CD8B2: variants seen among roughly 807,000 people sequenced by gnomAD.
CD8B2 encodes the protein CD8B family member 2, also known as T-cell surface glycoprotein CD8 beta-2 chain.
CD8B2 carries 11 observed loss-of-function variants against 23.7 expected under a neutral mutation model. The ratio of observed to expected loss-of-function variants is 0.46; its 90% CI spans 0.29 to 0.77. The LOEUF is 0.77. Ranked by LOEUF, CD8B2 falls within the 30% of genes least tolerant of loss-of-function variation. The probability of loss-of-function intolerance (pLI) is 0.09; values close to 1 mark genes in which losing one functional copy is unlikely to be tolerated. For missense variants in CD8B2, 197 were observed against 270.5 expected, an observed-to-expected ratio of 0.73 and a Z score of 1.91; for synonymous variants, 90 against 109.3, an observed-to-expected ratio of 0.82 and a Z score of 1.10.
At chr2:106,526,339 T>G (rs925699655) in intron 5 of CD8B2, among the ~76,000 whole-genome samples, 8 of 152,100 alleles carry the variant, frequency 5.3e-5, no homozygotes, top group Non-Finnish European at 8.8e-5. Context: ...GGTGAAACCA[T>G]CACAGAATTA....
intron 5 of CD8B2, among the ~76,000 whole-genome samples, chr2:106,526,240 A>C (rs751249397): frequency 1.5e-5 from 2 of 131,302 alleles, no homozygotes; most frequent in Non-Finnish European, 3.2e-5. Flanking sequence ...GCGAGACTCC[A>C]TCTCAAAAAA....
chr2:106,502,342 A>C (rs1326988537), intron 3 of CD8B2, 132 bp from the exon 4 acceptor site: 1 of 593,224 alleles, frequency 1.7e-6, no homozygotes, highest in Non-Finnish European at 3.1e-6. Context: ...CATACATTAC[A>C]TCGAAATACA....
rs1453427957 is a variant in CD8B2 at position 106,507,574 on chromosome 2, C to T, written c.*634C>T. 8.2e-6 allele frequency: 8 copies of T among 973,198 alleles called. No homozygotes were observed. The East Asian group carries it at 8.0e-4, about 97-fold the overall frequency. 60.3% of individuals were successfully genotyped at this position (973,198 alleles called of 1,614,324 possible). A position where few individuals can be genotyped will look rare whatever the true frequency, so the allele number is the denominator to read the frequency against. On this transcript the variant is annotated 3_prime_UTR_variant, in exon 6 of 6. Coordinates refer to ENST00000643224, the MANE Select transcript of CD8B2 (RefSeq NM_001349727.2). ...TTAAGTTTCTCAGCTCCCATTTCTA[C>T]TCTCCCATGGCTTAATGCTTCTTTC...
chr2:106,540,827 T>A (rs1680160734), intron 5 of CD8B2, among the ~76,000 whole-genome samples: 1 of 152,144 alleles, frequency 6.6e-6, no homozygotes. Flanking sequence ...CCTCCCAAAG[T>A]GCTGGGATTA....
At chr2:106,497,781 C>T (rs1679327228) in intron 3 of CD8B2, among the ~76,000 whole-genome samples, 1 of 152,136 alleles carries the variant, frequency 6.6e-6, no homozygotes, top group Admixed American at 6.5e-5. Context: ...TACAAAGTCC[C>T]ATGCCCTGAC....
At chr2:106,533,909 T>C (rs1680047585) in intron 5 of CD8B2, among the ~76,000 whole-genome samples, 1 of 152,198 alleles carries the variant, frequency 6.6e-6, no homozygotes, top group Non-Finnish European at 1.5e-5. Flanking sequence ...GACCCTGATA[T>C]GGCCAATTCC....
chr2:106,488,489 C>T (rs960099127), intron 1 of CD8B2, among the ~76,000 whole-genome samples: 8 of 152,070 alleles, frequency 5.3e-5, no homozygotes, highest in African/African-American at 1.9e-4. Context: ...AATGCACACT[C>T]ACAGCCCAGG....
At chr2:106,534,170 T>A (rs1680051500) in intron 5 of CD8B2, among the ~76,000 whole-genome samples, 1 of 152,182 alleles carries the variant, frequency 6.6e-6, no homozygotes, top group African/African-American at 2.4e-5. Context: ...TTAGCTAGGA[T>A]GACCAGACTC....
intron 5 of CD8B2, among the ~76,000 whole-genome samples, chr2:106,542,857 C>T (rs1189249525): frequency 6.6e-6 from 1 of 151,952 alleles, no homozygotes; most frequent in Non-Finnish European, 1.5e-5. Flanking sequence ...CATCCAGCCC[C>T]GGCTTATCAA....
At chr2:106,488,571 CTGTG>C (rs1349037871) in intron 1 of CD8B2, among the ~76,000 whole-genome samples, 1 of 152,208 alleles carries the variant, frequency 6.6e-6, no homozygotes, top group Non-Finnish European at 1.5e-5. Context: ...TGCAGCCCCA[CTGTG>C]TGCTCGTGAG....
intron 5 of CD8B2, among the ~76,000 whole-genome samples, chr2:106,523,866 T>C (rs1679866716): frequency 6.6e-6 from 1 of 152,154 alleles, no homozygotes; most frequent in African/African-American, 2.4e-5. Flanking sequence ...TGCTTTCTCA[T>C]TGGGTCGGCT....
intron 3 of CD8B2, among the ~76,000 whole-genome samples, chr2:106,498,888 G>C (rs377308817): frequency 1.3e-5 from 2 of 152,112 alleles, no homozygotes; most frequent in Non-Finnish European, 2.9e-5. Flanking sequence ...GCTTAGGGCT[G>C]TTCCTAAGAC....
At chr2:106,525,717 G>T (rs1049843172) in intron 5 of CD8B2, among the ~76,000 whole-genome samples, 2 of 152,102 alleles carry the variant, frequency 1.3e-5, no homozygotes, top group Non-Finnish European at 2.9e-5. Flanking sequence ...TATAAATAAT[G>T]TATAATATGG....
At chr2:106,526,388 C>A (rs182272304) in intron 5 of CD8B2, among the ~76,000 whole-genome samples, 6 of 152,122 alleles carry the variant, frequency 3.9e-5, no homozygotes, top group African/African-American at 1.4e-4. Flanking sequence ...AAAATGAAAT[C>A]CCATACTTGT....
rs757671333 is a variant in CD8B2 at position 106,524,070 on chromosome 2, CT to C, written c.620+19746del. Among the ~76,000 whole-genome samples, 18 of 152,292 alleles carry C rather than the reference CT, an allele frequency of 1.2e-4. No individual in the cohort carries two copies. In the East Asian group the frequency reaches 3.5e-3, roughly 29 times the overall value. ...CAAAAAAGAGGAAATGTGTCAGTCA[CT>C]AATCAAGTGTCGGCCATGTGGGGCT... On this transcript the variant is annotated intron_variant, in intron 5 of 5. Coordinates refer to the CD8B2 transcript ENST00000416057.
intron 3 of CD8B2, among the ~76,000 whole-genome samples, chr2:106,499,563 A>C (rs1234519369): frequency 1.3e-5 from 2 of 150,882 alleles, no homozygotes; most frequent in Non-Finnish European, 2.9e-5. Context: ...CTTAGTTGAG[A>C]TATAATTTGC....
In CD8B2 at chr2:106,487,450, C is replaced by T; in HGVS notation, c.24C>T (p.Leu8=). 1 of 1,249,480 alleles carries T rather than the reference C, an allele frequency of 8.0e-7. No homozygotes were observed. Among genetic ancestry groups the T allele is most frequent in the South Asian group, 3.5e-5 (1 of 28,458 alleles). 77.4% of individuals were successfully genotyped at this position (1,249,480 alleles called of 1,614,324 possible). A position where few individuals can be genotyped will look rare whatever the true frequency, so the allele number is the denominator to read the frequency against. The change falls in exon 1 of 6, where the codon CTC becomes CTT. Residue 8 remains leucine, a synonymous_variant. Transcript: ENST00000643224. Reference sequence around the variant, plus strand: ...CGATGCGGCCGCGGCTGTGGCTCCTCCTGGCCGCGCAGCTGACAGGTAAGG... The same window carrying T: ...CGATGCGGCCGCGGCTGTGGCTCCTTCTGGCCGCGCAGCTGACAGGTAAGG... The part of the protein sequence containing the change: MRPRLWL[L]LAAQLTVLHG...
intron 3 of CD8B2, among the ~76,000 whole-genome samples, chr2:106,497,928 A>T (rs1573331888): frequency 6.6e-6 from 1 of 152,192 alleles, no homozygotes; most frequent in East Asian, 1.9e-4. Flanking sequence ...CAGTTTAAAC[A>T]AAGGGAAGAC....
At chr2:106,526,044 C>T (rs1679901892) in intron 5 of CD8B2, among the ~76,000 whole-genome samples, 1 of 152,246 alleles carries the variant, frequency 6.6e-6, no homozygotes, top group Admixed American at 6.5e-5. Context: ...ACTTTGAGAC[C>T]AGCCTGGGCA....
Sources: allele counts gnomAD v4.1 joint callset (sites outside exome capture counted in the v4.1 genomes callset), GRCh38; gene constraint gnomAD v4.1.1; transcripts MANE v1.5; gene names NCBI Gene and HGNC (gene_info 2026-07-23, HGNC 2026-07-21).